The following SPOCK1 variants were observed in gnomAD, a reference collection of about 807,000 sequenced individuals.
The protein encoded by SPOCK1 is SPARC (osteonectin), cwcv and kazal like domains proteoglycan 1.
SPOCK1 carries 23 observed loss-of-function variants against 55.3 expected under a neutral mutation model. The observed-to-expected ratio is 0.42, with a 90% confidence interval of 0.30 to 0.59. The LOEUF is 0.59. Ranked by LOEUF, SPOCK1 falls within the 20% of genes least tolerant of loss-of-function variation. The pLI is 0.22. For synonymous variants in SPOCK1, 226 were observed against 221.0 expected, an observed-to-expected ratio of 1.02 and a Z score of -0.20; for missense variants, 499 against 552.5, an observed-to-expected ratio of 0.90 and a Z score of 0.97.
rs75790313 is a variant in SPOCK1, at chr5:137,392,061, C to T, written c.186+106312G>A. 3.0e-3 allele frequency among the ~76,000 whole-genome samples: 454 copies of T among 152,308 alleles called. 2 individuals carry two copies. The highest frequency in any genetic ancestry group is 0.01 in the African/African-American group (425 of 41,560). ...TCCTTGTGGCTTTTCCCACACTTGA[C>T]CATACCCTATTCCTCCAACTTGAAA... On this transcript the variant is annotated intron_variant, in intron 2 of 10. Transcript: ENST00000394945.
chr5:137,023,046 T>C (rs1004401477), intron 6 of SPOCK1, among the ~76,000 whole-genome samples: 1 of 152,204 alleles, frequency 6.6e-6, no homozygotes, highest in Non-Finnish European at 1.5e-5. Context: ...CAGGCATAAA[T>C]GCTGGAGCTG....
At chr5:137,195,429 T>C (rs1755279376) in intron 3 of SPOCK1, among the ~76,000 whole-genome samples, 1 of 152,240 alleles carries the variant, frequency 6.6e-6, no homozygotes, top group Non-Finnish European at 1.5e-5. Context: ...TTAACATTAA[T>C]TGTTTTTTGA....
chr5:137,447,293 G>A (rs1398740303), intron 2 of SPOCK1, among the ~76,000 whole-genome samples: 1 of 152,204 alleles, frequency 6.6e-6, no homozygotes, highest in Non-Finnish European at 1.5e-5. Flanking sequence ...CAGCAGAGGA[G>A]AAGAGTGTCC....
intron 2 of SPOCK1, among the ~76,000 whole-genome samples, chr5:137,332,311 T>C (rs1758202060): frequency 6.6e-6 from 1 of 152,096 alleles, no homozygotes; most frequent in African/African-American, 2.4e-5. Flanking sequence ...TATTTAAGAC[T>C]CCAGCCCTGT....
intron 5 of SPOCK1, among the ~76,000 whole-genome samples, chr5:137,105,809 C>G (rs147129184): frequency 1.3e-5 from 2 of 152,190 alleles, no homozygotes; most frequent in African/African-American, 4.8e-5. Context: ...TCTTCTGTGT[C>G]GAGACATAAT....
chr5:137,483,322 C>T (rs1753987604), intron 2 of SPOCK1, among the ~76,000 whole-genome samples: 1 of 152,180 alleles, frequency 6.6e-6, no homozygotes, highest in Non-Finnish European at 1.5e-5. Flanking sequence ...AAGAGTGAGA[C>T]TCCATCCCAG....
At chr5:137,087,841 G>T (rs192671217) in intron 5 of SPOCK1, among the ~76,000 whole-genome samples, 104 of 145,176 alleles carry the variant, frequency 7.2e-4, no homozygotes, top group Non-Finnish European at 1.1e-3. Context: ...GGAAGAAACA[G>T]AAAAAAGTGT....
intron 2 of SPOCK1, among the ~76,000 whole-genome samples, chr5:137,372,109 T>C (rs979770393): frequency 2.0e-5 from 3 of 152,224 alleles, no homozygotes; most frequent in Non-Finnish European, 2.9e-5. Context: ...CTTGGTGTTT[T>C]ATACTCCCAG....
At chr5:136,989,790 CA>C (rs1298671236) in intron 7 of SPOCK1, among the ~76,000 whole-genome samples, 1 of 152,096 alleles carries the variant, frequency 6.6e-6, no homozygotes, top group African/African-American at 2.4e-5. Flanking sequence ...ATGGGCAGTG[CA>C]AGGGGGGGCC....
intron 2 of SPOCK1, among the ~76,000 whole-genome samples, chr5:137,359,821 T>C (rs749397694): frequency 5.3e-5 from 8 of 152,208 alleles, no homozygotes; most frequent in Admixed American, 1.3e-4. Context: ...GGACATAATA[T>C]AGCGTGGAGC....
chr5:137,470,402 T>C (rs1045487212), intron 2 of SPOCK1, among the ~76,000 whole-genome samples: 5 of 152,186 alleles, frequency 3.3e-5, no homozygotes, highest in African/African-American at 1.2e-4. Context: ...GTTATGCTGT[T>C]TGTCTTATCC....
intron 6 of SPOCK1, among the ~76,000 whole-genome samples, chr5:137,060,811 A>G (rs1271025121): frequency 2.6e-5 from 4 of 152,124 alleles, no homozygotes; most frequent in Non-Finnish European, 5.9e-5. Flanking sequence ...ATCACTTGCT[A>G]TCAAATAGAC....
At chr5:137,375,646 C>A (rs540124536) in intron 2 of SPOCK1, among the ~76,000 whole-genome samples, 1 of 152,288 alleles carries the variant, frequency 6.6e-6, no homozygotes, top group African/African-American at 2.4e-5. Context: ...ATCCAGGATT[C>A]TACTGTTAGG....
At position 137,160,622 on chromosome 5, in the gene SPOCK1, T is replaced by TA. The variant is rs1561631833; in HGVS notation, c.233-19929_233-19928insT. On this transcript the variant is annotated intron_variant, in intron 3 of 10. Coordinates refer to ENST00000394945, the MANE Select transcript of SPOCK1 (RefSeq NM_004598.4). ...TATTATATATAATATATAATATATA[T>TA]TTTATATAATATATAATATATATTT... Among the ~76,000 whole-genome samples the TA allele has an allele frequency of 7.0e-3, 539 of 76,862 alleles. 12 individuals are homozygous for TA. Among genetic ancestry groups the TA allele is most frequent in the African/African-American group, 0.031 (534 of 17,094 alleles). The allele number at this position is 76,862 out of a possible 152,430, so 50.4% of individuals were successfully genotyped here.
chr5:137,494,139 G>GA (rs1192279449), intron 2 of SPOCK1, among the ~76,000 whole-genome samples: 4 of 152,146 alleles, frequency 2.6e-5, no homozygotes, highest in Non-Finnish European at 5.9e-5. Context: ...GCAAAAGAAA[G>GA]AAAATGTCAT....
chr5:137,217,963 G>T (rs1755753018), intron 3 of SPOCK1, among the ~76,000 whole-genome samples: 1 of 152,114 alleles, frequency 6.6e-6, no homozygotes, highest in Non-Finnish European at 1.5e-5. Flanking sequence ...TTTCTACATA[G>T]GTATAGATGG....
chr5:137,202,012 A>G (rs1392320961), intron 3 of SPOCK1, among the ~76,000 whole-genome samples: 1 of 152,228 alleles, frequency 6.6e-6, no homozygotes, highest in Non-Finnish European at 1.5e-5. Context: ...CTAGCTTTGC[A>G]GCCTGTGCCT....
intron 2 of SPOCK1, among the ~76,000 whole-genome samples, chr5:137,281,899 G>A (rs956476687): frequency 5.3e-5 from 8 of 152,132 alleles, no homozygotes; most frequent in Admixed American, 3.9e-4. Context: ...TAAAATTAAC[G>A]GTTCTGTTTC....
At chr5:137,422,847 G>A (rs535839119) in intron 2 of SPOCK1, among the ~76,000 whole-genome samples, 1 of 152,216 alleles carries the variant, frequency 6.6e-6, no homozygotes, top group African/African-American at 2.4e-5. Flanking sequence ...TTCCTTTGGA[G>A]GAGGAGAGGC....
Sources: allele counts gnomAD v4.1 joint callset (sites outside exome capture counted in the v4.1 genomes callset), GRCh38; gene constraint gnomAD v4.1.1; transcripts MANE v1.5; gene names NCBI Gene and HGNC (gene_info 2026-07-23, HGNC 2026-07-21).